The following MACROD2 variants were observed in gnomAD, a reference collection of about 807,000 sequenced individuals.
MACROD2 encodes mono-ADP ribosylhydrolase 2, also known as ADP-ribose glycohydrolase MACROD2.
Under a neutral mutation model 70.4 loss-of-function variants are expected in MACROD2, and 36 were observed. The observed-to-expected ratio is 0.51, with a 90% CI of 0.39 to 0.68. The LOEUF is 0.68. Among genes scored for constraint, MACROD2 ranks in the 30% least tolerant of loss-of-function variants. The probability of loss-of-function intolerance (pLI) is 0.00; values close to 1 mark genes in which losing one functional copy is unlikely to be tolerated. For synonymous variants in MACROD2, 172 were observed against 178.8 expected, an observed-to-expected ratio of 0.96 and a Z score of 0.30; for missense variants, 496 against 538.4, an observed-to-expected ratio of 0.92 and a Z score of 0.78.
intron 13 of MACROD2, among the ~76,000 whole-genome samples, chr20:15,980,488 G>C (rs916639562): frequency 6.6e-6 from 1 of 152,116 alleles, no homozygotes; most frequent in Non-Finnish European, 1.5e-5. Context: ...CTAAGGTAGC[G>C]ATGAAGATTT....
chr20:14,625,327 C>CA (rs1306657133), intron 4 of MACROD2, among the ~76,000 whole-genome samples: 1 of 148,336 alleles, frequency 6.7e-6, no homozygotes, highest in Non-Finnish European at 1.5e-5. Flanking sequence ...AACTCAGTCT[C>CA]AAAAAAAAGA....
chr20:15,945,982 C>T (rs144046504), intron 12 of MACROD2, among the ~76,000 whole-genome samples: 15 of 152,228 alleles, frequency 9.9e-5, no homozygotes, highest in African/African-American at 1.4e-4. Context: ...ATTGGAACCA[C>T]GGCAACAGGG....
At chr20:15,115,193 T>G (rs2075983511) in intron 5 of MACROD2, among the ~76,000 whole-genome samples, 1 of 152,122 alleles carries the variant, frequency 6.6e-6, no homozygotes, top group Non-Finnish European at 1.5e-5. Context: ...CCTCATACAT[T>G]TTTTTGTCTC....
At chr20:14,657,692 T>C (rs978851202) in intron 4 of MACROD2, among the ~76,000 whole-genome samples, 8 of 152,220 alleles carry the variant, frequency 5.3e-5, no homozygotes, top group Admixed American at 3.3e-4. Context: ...GTAGAACATA[T>C]GAAAAGCCTC....
At chr20:14,987,540 T>G (rs1302515557) in intron 5 of MACROD2, among the ~76,000 whole-genome samples, 1 of 152,154 alleles carries the variant, frequency 6.6e-6, no homozygotes, top group Non-Finnish European at 1.5e-5. Flanking sequence ...AAGAATAAGT[T>G]ACAAGGTCTG....
chr20:15,164,117 G>A (rs6034117), intron 5 of MACROD2, among the ~76,000 whole-genome samples: 2,438 of 152,134 alleles, frequency 0.016, 55 homozygotes, highest in African/African-American at 0.056. Flanking sequence ...CATACAGTGA[G>A]CCCTCCATAT....
chr20:15,408,869 G>A (rs1024274452), intron 6 of MACROD2, among the ~76,000 whole-genome samples: 5 of 152,110 alleles, frequency 3.3e-5, no homozygotes, highest in Non-Finnish European at 5.9e-5. Flanking sequence ...TGTGAAAATG[G>A]GATCATTTTA....
intron 3 of MACROD2, among the ~76,000 whole-genome samples, chr20:14,307,844 C>A (rs1371941203): frequency 6.6e-6 from 1 of 152,052 alleles, no homozygotes; most frequent in Non-Finnish European, 1.5e-5. Flanking sequence ...GAATTATAAT[C>A]TCAGAGGATG....
At chr20:15,323,831 TC>T (rs1208837453) in intron 6 of MACROD2, among the ~76,000 whole-genome samples, 1 of 152,078 alleles carries the variant, frequency 6.6e-6, no homozygotes, top group Non-Finnish European at 1.5e-5. Context: ...GCCATCACAC[TC>T]CCTCCTTTAC....
intron 5 of MACROD2, among the ~76,000 whole-genome samples, chr20:15,067,002 A>C (rs1402934270): frequency 1.3e-5 from 2 of 152,166 alleles, no homozygotes; most frequent in African/African-American, 2.4e-5. Context: ...AACAAAAAAA[A>C]CACAAAGAAT....
rs142524409 is a variant in MACROD2 at position 14,916,650 on chromosome 20, G to A, written c.418+231691G>A. Among the ~76,000 whole-genome samples the A allele has an allele frequency of 4.3e-3, 653 of 152,286 alleles. 8 individuals carry two copies. Among genetic ancestry groups the A allele is most frequent in the African/African-American group, 0.015 (611 of 41,556 alleles). On this transcript the variant is annotated intron_variant, in intron 5 of 17. Coordinates refer to ENST00000684519, the MANE Select transcript of MACROD2 (RefSeq NM_001351661.2). ...ATGATAAATATGTCATAAAACAAAGGCAGCAAAGTGTTAGCAATTGTAAGG... is the reference window on the plus strand; with the variant it reads ...ATGATAAATATGTCATAAAACAAAGACAGCAAAGTGTTAGCAATTGTAAGG...
At chr20:16,002,160 G>GAA (rs1244680335) in intron 15 of MACROD2, among the ~76,000 whole-genome samples, 8 of 151,858 alleles carry the variant, frequency 5.3e-5, no homozygotes, top group African/African-American at 9.7e-5. Flanking sequence ...TGACAATACA[G>GAA]GAACATATCC....
At chr20:15,349,104 C>A (rs1254586464) in intron 6 of MACROD2, among the ~76,000 whole-genome samples, 1 of 152,020 alleles carries the variant, frequency 6.6e-6, no homozygotes, top group Non-Finnish European at 1.5e-5. Context: ...CAGATAATTT[C>A]TTTTTTAACT....
At chr20:15,963,309 C>T (rs182475096) in intron 12 of MACROD2, among the ~76,000 whole-genome samples, 76 of 152,210 alleles carry the variant, frequency 5.0e-4, no homozygotes, top group Middle Eastern at 6.8e-3. Context: ...AGAAGTTCTA[C>T]GCCAAAATGA....
At chr20:14,120,364 A>G (rs2148691749) in intron 3 of MACROD2, among the ~76,000 whole-genome samples, 1 of 152,270 alleles carries the variant, frequency 6.6e-6, no homozygotes, top group South Asian at 2.1e-4. Flanking sequence ...TTAAAAAGTC[A>G]GGAAACAAAA....
At chr20:14,794,176 C>A (rs1346203525) in intron 5 of MACROD2, among the ~76,000 whole-genome samples, 1 of 152,072 alleles carries the variant, frequency 6.6e-6, no homozygotes, top group Non-Finnish European at 1.5e-5. Flanking sequence ...CCTTTCATTT[C>A]GTCTACTATG....
rs576234252 is a variant in MACROD2 at position 15,276,327 on chromosome 20, G to A, written c.540+46266G>A. ...AGGTAGGAGAAGGGCGTGAACCCGG[G>A]AGGCGGAGCTTGCAGTGAGCCGAGA... On this transcript the variant is annotated intron_variant, in intron 6 of 17. Coordinates refer to ENST00000684519, the MANE Select transcript of MACROD2 (RefSeq NM_001351661.2). Among the ~76,000 whole-genome samples, 20 of 151,716 alleles carry A rather than the reference G, an allele frequency of 1.3e-4. No individual in the cohort carries two copies. In the South Asian group the frequency reaches 3.8e-3, roughly 29 times the overall value.
intron 5 of MACROD2, among the ~76,000 whole-genome samples, chr20:14,844,401 C>A (rs769756877): frequency 4.0e-5 from 6 of 151,852 alleles, no homozygotes; most frequent in Non-Finnish European, 8.8e-5. Context: ...CCTATAATCC[C>A]AGCTACTCGG....
intron 7 of MACROD2, among the ~76,000 whole-genome samples, chr20:15,452,104 C>G (rs746926138): frequency 3.3e-5 from 5 of 152,142 alleles, no homozygotes; most frequent in Non-Finnish European, 5.9e-5. Flanking sequence ...AGTGAGAAAT[C>G]CAGCCCTTTC....
Sources: allele counts gnomAD v4.1 joint callset (sites outside exome capture counted in the v4.1 genomes callset), GRCh38; gene constraint gnomAD v4.1.1; transcripts MANE v1.5; gene names NCBI Gene and HGNC (gene_info 2026-07-23, HGNC 2026-07-21).